The following CNOT10 variants were observed in gnomAD, a reference collection of about 807,000 sequenced individuals.
CNOT10 encodes CCR4-NOT transcription complex, subunit 10.
In CNOT10, 30 loss-of-function variants were observed where a neutral mutation model predicts 94.6. The observed-to-expected ratio is 0.32, with a 90% CI of 0.24 to 0.43. The LOEUF is 0.43. Ranked by LOEUF, CNOT10 falls within the 20% of genes least tolerant of loss-of-function variation. The pLI is 1.00. For synonymous variants in CNOT10, 289 were observed against 301.6 expected (o/e 0.96, Z 0.43); for missense variants, 759 against 877.2 (o/e 0.87, Z 1.70).
chr3:32,699,221 T>C (rs1697221163), intron 1 of CNOT10, among the ~76,000 whole-genome samples: 1 of 152,194 alleles, frequency 6.6e-6, no homozygotes, highest in South Asian at 2.1e-4. Flanking sequence ...AGGTACATAT[T>C]TGTGTATATA....
chr3:32,724,729 T>C (rs965597199), intron 8 of CNOT10, among the ~76,000 whole-genome samples: 4 of 151,822 alleles, frequency 2.6e-5, no homozygotes, highest in African/African-American at 9.7e-5. Flanking sequence ...TGGCTAATTT[T>C]TGTGTTTTTA....
At chr3:32,697,139 C>T (rs1476803500) in intron 1 of CNOT10, among the ~76,000 whole-genome samples, 5 of 151,840 alleles carry the variant, frequency 3.3e-5, no homozygotes, top group African/African-American at 7.3e-5. Context: ...TTAGTAGAAA[C>T]GGGTTTCACC....
At chr3:32,687,445 T>TTTTTTG (rs1184030095) in intron 1 of CNOT10, among the ~76,000 whole-genome samples, 13 of 68,062 alleles carry the variant, frequency 1.9e-4, no homozygotes, top group South Asian at 5.8e-4. Context: ...CACGGTTTTT[T>TTTTTTG]TTTTTTGTTT....
chr3:32,740,845 G>A (rs904810642), intron 13 of CNOT10, among the ~76,000 whole-genome samples: 3 of 148,228 alleles, frequency 2.0e-5, no homozygotes, highest in Admixed American at 6.9e-5. Context: ...CTGGACGACA[G>A]AGCGAGACTC....
chr3:32,749,840 A>G (rs143522286), intron 13 of CNOT10, among the ~76,000 whole-genome samples: 178 of 152,216 alleles, frequency 1.2e-3, no homozygotes, highest in African/African-American at 4.0e-3. Flanking sequence ...CATCACCACT[A>G]AAGAACTTGT....
chr3:32,685,564 G>A, intron 1 of CNOT10, 82 bp downstream of exon 1: 2 of 1,475,896 alleles, frequency 1.4e-6, no homozygotes, highest in South Asian at 1.2e-5. Context: ...GGCGGGGCCC[G>A]GGGTGGGGAC....
At chr3:32,698,562 T>C (rs1575207532) in intron 1 of CNOT10, among the ~76,000 whole-genome samples, 1 of 152,136 alleles carries the variant, frequency 6.6e-6, no homozygotes, top group East Asian at 1.9e-4. Context: ...GAATTTTTAG[T>C]TCTGGTGAAA....
At chr3:32,762,296 G>A (rs1196240378) in intron 14 of CNOT10, among the ~76,000 whole-genome samples, 2 of 151,022 alleles carry the variant, frequency 1.3e-5, no homozygotes, top group African/African-American at 2.4e-5. Context: ...TTGAGATGGC[G>A]TCTCACTCTG....
intron 13 of CNOT10, among the ~76,000 whole-genome samples, chr3:32,756,595 A>G (rs1430452605): frequency 2.0e-5 from 3 of 152,192 alleles, no homozygotes; most frequent in Non-Finnish European, 4.4e-5. Flanking sequence ...GAGCTGGAAA[A>G]GAGTTGGCTT....
chr3:32,701,242 T>TAAAATA (rs758976823), intron 1 of CNOT10, among the ~76,000 whole-genome samples: 14 of 149,598 alleles, frequency 9.4e-5, no homozygotes, highest in Non-Finnish European at 1.6e-4. Context: ...AATAAATAAG[T>TAAAATA]AAAATAAAAA....
chr3:32,714,156 C>T (rs1257937342), intron 5 of CNOT10, among the ~76,000 whole-genome samples: 1 of 152,046 alleles, frequency 6.6e-6, no homozygotes, highest in African/African-American at 2.4e-5. Flanking sequence ...GTAATTTCTC[C>T]ACATTGTTAC....
intron 13 of CNOT10, among the ~76,000 whole-genome samples, chr3:32,756,940 A>G (rs1290497054): frequency 1.3e-5 from 2 of 151,448 alleles, no homozygotes; most frequent in East Asian, 3.9e-4. Flanking sequence ...CCATCTCTAT[A>G]AAAAAATACA....
chr3:32,757,007 G>T lies in CNOT10; in HGVS notation c.1596-2451G>T, dbSNP rs980350721. On this transcript the variant is annotated intron_variant, in intron 13 of 18. Coordinates refer to ENST00000328834, the MANE Select transcript of CNOT10 (RefSeq NM_015442.3). ...TGTAATCCCAGCTACTTGGGAGGCT[G>T]AGGCAGGAGAATAGCTTGAACCGAG... Among the ~76,000 whole-genome samples, 14 of 150,982 alleles carry T rather than the reference G, an allele frequency of 9.3e-5. No homozygotes were observed. The East Asian group carries it at 2.4e-3, about 26-fold the overall frequency.
chr3:32,725,336 G>A (rs1360960316), intron 8 of CNOT10, 114 bp from the exon 9 acceptor site: 6 of 793,090 alleles, frequency 7.6e-6, no homozygotes, highest in South Asian at 4.4e-5. Context: ...CTGTTCTTTA[G>A]GGAGTAAGTG....
chr3:32,721,349 A>C (rs574605535), intron 8 of CNOT10, among the ~76,000 whole-genome samples: 12 of 145,844 alleles, frequency 8.2e-5, no homozygotes, highest in Admixed American at 2.1e-4. Flanking sequence ...AGTGTGAGCC[A>C]CCGCACCTGG....
chr3:32,690,084 A>C (rs1305486517), intron 1 of CNOT10, among the ~76,000 whole-genome samples: 2 of 152,170 alleles, frequency 1.3e-5, no homozygotes, highest in African/African-American at 4.8e-5. Context: ...AGGGAGTTTG[A>C]ATTCATTTTA....
Position 32,773,717 on chromosome 3 carries a change from T to G in CNOT10, c.*106T>G. On this transcript the variant is annotated 3_prime_UTR_variant, in exon 19 of 19. Coordinates refer to ENST00000328834, the MANE Select transcript of CNOT10 (RefSeq NM_015442.3). Reference sequence around the variant, plus strand: ...TAAAAGATGGTGAAGGCTGTTAATTTTGAGTCAATTCTACCCCTGACATTT... The same window carrying G: ...TAAAAGATGGTGAAGGCTGTTAATTGTGAGTCAATTCTACCCCTGACATTT... 1 of 1,222,758 alleles carries G rather than the reference T, an allele frequency of 8.2e-7. No homozygotes were observed. The highest frequency in any genetic ancestry group is 1.1e-6 in the Non-Finnish European group (1 of 901,528). The allele number at this position is 1,222,758 out of a possible 1,614,324, so 75.7% of individuals were successfully genotyped here.
intron 15 of CNOT10, among the ~76,000 whole-genome samples, chr3:32,763,906 G>A (rs934111494): frequency 6.6e-6 from 1 of 152,144 alleles, no homozygotes; most frequent in Non-Finnish European, 1.5e-5. Context: ...TGTGGTGGGT[G>A]GATCACCTAA....
intron 1 of CNOT10, among the ~76,000 whole-genome samples, chr3:32,701,932 A>G (rs1156531934): frequency 1.3e-5 from 2 of 152,084 alleles, no homozygotes; most frequent in East Asian, 1.9e-4. Context: ...AGCTGGGACT[A>G]CAGGTGCCCG....
Sources: gnomAD v4.1 joint callset for allele counts (sites outside exome capture counted in the v4.1 genomes callset) on GRCh38, gnomAD v4.1.1 for gene constraint, MANE v1.5 for transcripts, NCBI Gene and HGNC (gene_info 2026-07-23, HGNC 2026-07-21) for gene names.